Variants in EIF3B observed in about 807,000 individuals in gnomAD.
EIF3B encodes eukaryotic translation initiation factor 3 subunit B, also known as eukaryotic translation initiation factor 3 subunit 9.
EIF3B carries 10 observed loss-of-function variants against 104.6 expected under a neutral mutation model. That is an observed-to-expected ratio of 0.10 (90% confidence interval 0.06 to 0.16). The LOEUF (loss-of-function observed/expected upper bound fraction) is 0.16, where lower values mean the gene tolerates loss of function less well. EIF3B is among the 10% of genes least tolerant of loss of function. The pLI, the probability that EIF3B is intolerant of heterozygous loss-of-function variation, is 1.00. For synonymous variants in EIF3B, 542 were observed against 417.2 expected, an observed-to-expected ratio of 1.30 and a Z score of -3.65; for missense variants, 1,014 against 1,087.9, an observed-to-expected ratio of 0.93 and a Z score of 0.96.
At chr7:2,357,003 A>G (rs6952433) in intron 1 of EIF3B, among the ~76,000 whole-genome samples, 114,133 of 152,010 alleles carry the variant, frequency 0.75, 43,157 homozygotes, top group East Asian at 0.86. Context: ...CAGTGGGTCT[A>G]TACTGCTTGG....
chr7:2,357,054 G>A (rs565262065), intron 1 of EIF3B, among the ~76,000 whole-genome samples: 30 of 152,130 alleles, frequency 2.0e-4, no homozygotes, highest in African/African-American at 7.0e-4. Flanking sequence ...TCTTTCTAAC[G>A]CTTCAATTGT....
At chr7:2,366,888 C>A in intron 8 of EIF3B, 111 bp from the exon 9 acceptor site, 3 of 1,163,210 alleles carry the variant, frequency 2.6e-6, no homozygotes, top group Non-Finnish European at 3.8e-6. Context: ...TGTGCACTGC[C>A]CCCTAGGCAA....
chr7:2,354,488 C>T (rs1483153184), upstream of EIF3B, among the ~76,000 whole-genome samples: 5 of 152,190 alleles, frequency 3.3e-5, no homozygotes, highest in African/African-American at 1.2e-4. Flanking sequence ...TCCTAGCATT[C>T]CGGGTACTAA....
At chr7:2,366,618 C>T (rs892617969) in intron 8 of EIF3B, 27 bp downstream of exon 8, 5 of 1,613,040 alleles carry the variant, frequency 3.1e-6, no homozygotes, top group African/African-American at 1.3e-5. Context: ...ATGGCAAACG[C>T]CCCGTCCGGT....
chr7:2,366,815 A>G, intron 8 of EIF3B, 184 bp from the exon 9 acceptor site: 3 of 794,366 alleles, frequency 3.8e-6, no homozygotes, highest in Non-Finnish European at 4.1e-6. Flanking sequence ...GAGTTAATGC[A>G]GTGGGCTTCA....
At chr7:2,355,572 C>G (rs1355428199) in intron 1 of EIF3B, 152 bp downstream of exon 1, 3 of 1,123,890 alleles carry the variant, frequency 2.7e-6, no homozygotes, top group Non-Finnish European at 2.4e-6. Flanking sequence ...GGGAGGGGTT[C>G]CCGAGTGCCC....
chr7:2,374,339 A>T, intron 12 of EIF3B, 189 bp from the exon 13 acceptor site: 1 of 518,822 alleles, frequency 1.9e-6, no homozygotes, highest in Non-Finnish European at 3.5e-6. Flanking sequence ...TTTTTTTCCC[A>T]TTTAAAGTAT....
Position 2,366,447 on chromosome 7 carries a change from A to C in EIF3B, c.1288A>C (p.Lys430Gln). 6.2e-7 allele frequency: 1 copy of C among 1,613,932 alleles called. No individual in the cohort carries two copies. The highest frequency in any genetic ancestry group is 8.5e-7 in the Non-Finnish European group (1 of 1,179,972). ...GAGCTCAGCCCATTGGCCTATTTTT[A>C]AGTAAGTGGACCATTGTAACGAGCT... is the stretch of plus-strand genomic sequence containing the variant. Reference protein sequence around the residue: ...CESSAHWPIFKWSHDGKFFAR... With the variant: ...CESSAHWPIFQWSHDGKFFAR... The change falls in exon 7 of 19, where the codon AAG (lysine) becomes CAG (glutamine). Residue 430 changes from lysine to glutamine, a missense_variant and splice_region_variant. Physicochemically the swap from Lys to Gln is moderately conservative, Grantham distance 53. Around this residue, in one of 4 missense-constraint regions of EIF3B, gnomAD observed 201 missense variants for 240.7 expected, o/e 0.83. Coordinates refer to ENST00000360876, the MANE Select transcript of EIF3B (RefSeq NM_001037283.2).
intron 1 of EIF3B, among the ~76,000 whole-genome samples, chr7:2,355,907 C>T (rs1779401239): frequency 6.6e-6 from 1 of 152,218 alleles, no homozygotes; most frequent in East Asian, 1.9e-4. Context: ...TGTCCATCTC[C>T]AGAGACTTCC....
intron 3 of EIF3B, 116 bp downstream of exon 3, chr7:2,362,880 G>T (rs927220452): frequency 1.3e-6 from 2 of 1,521,650 alleles, no homozygotes; most frequent in Non-Finnish European, 1.8e-6. Context: ...CATCCTTTCT[G>T]GTCAGGCTGC....
At chr7:2,370,423 A>T (rs1780266831) in intron 10 of EIF3B, among the ~76,000 whole-genome samples, 1 of 151,774 alleles carries the variant, frequency 6.6e-6, no homozygotes, top group African/African-American at 2.4e-5. Flanking sequence ...CTTGCAGTGA[A>T]CAGAGCGAGA....
intron 6 of EIF3B, among the ~76,000 whole-genome samples, chr7:2,365,667 GT>G (rs138137672): frequency 1.9e-5 from 2 of 107,852 alleles, no homozygotes; most frequent in African/African-American, 6.1e-5. Context: ...TTGTTTGTTT[GT>G]TTGTTTGTTT....
In EIF3B at chr7:2,366,329, C is replaced by T; in HGVS notation, c.1170C>T (p.Thr390=). ...DFSPCERYLV[T]FSPLMDTQDD... The stretch of plus-strand genomic sequence containing the variant: ...CCTTCTCTTCTAGGTACCTGGTGAC[C>T]TTTAGCCCCCTGATGGACACGCAGG... Residue 390 remains threonine (T), a synonymous_variant, in exon 7 of 19, where the codon ACC becomes ACT. Coordinates refer to ENST00000360876, the MANE Select transcript of EIF3B (RefSeq NM_001037283.2). 1 of 1,609,494 alleles carries T rather than the reference C, an allele frequency of 6.2e-7. No homozygotes were observed. Among genetic ancestry groups the T allele is most frequent in the Non-Finnish European group, 8.5e-7 (1 of 1,178,014 alleles).
intron 13 of EIF3B, 61 bp downstream of exon 13, chr7:2,374,667 C>T (rs1161444488): frequency 4.8e-6 from 7 of 1,467,912 alleles, no homozygotes; most frequent in Non-Finnish European, 6.6e-6. Context: ...TGGCAGAGAC[C>T]CCTCAGGCGC....
Position 2,377,011 on chromosome 7 carries a change from A to C in EIF3B, c.2090A>C (p.Asp697Ala), listed in dbSNP as rs1583181826. The C allele has an allele frequency of 6.2e-7, 1 of 1,613,660 alleles. No individual in the cohort carries two copies. The highest frequency in any genetic ancestry group is 8.5e-7 in the Non-Finnish European group (1 of 1,180,002). Residue 697 changes from aspartate to alanine, a missense_variant, in exon 15 of 19, where the codon GAC (aspartate) becomes GCC (alanine). Physicochemically the swap from Asp to Ala is moderately radical, Grantham distance 126. Coordinates refer to ENST00000360876, the MANE Select transcript of EIF3B (RefSeq NM_001037283.2). ...CGCCTCCTGCAGAAGAACAACAAGG[A>C]CCGCTTCTGCCAGCTGCTGTGGCGG... ...QGRLLQKNNK[D>A]RFCQLLWRPR... is the part of the protein sequence containing the mutation.
rs773835538 is a variant in EIF3B at position 2,375,394 on chromosome 7, A to G, written c.1895A>G (p.Asn632Ser). Residue 632 changes from asparagine (N) to serine (S), a missense_variant, in exon 14 of 19, where the codon AAC (asparagine) becomes AGC (serine). Coordinates refer to ENST00000360876, the MANE Select transcript of EIF3B (RefSeq NM_001037283.2). ...FVVLAGLRSM[N>S]GALAFVDTSD... The stretch of plus-strand genomic sequence containing the variant: ...GGTCCTGTCTGTCTTTGCAGTATGA[A>G]CGGTGCCTTAGCGTTTGTGGACACT... 2 of 1,614,134 alleles carry G rather than the reference A, an allele frequency of 1.2e-6. No individual in the cohort carries two copies. The highest frequency in any genetic ancestry group is 1.7e-6 in the Non-Finnish European group (2 of 1,180,012).
chr7:2,377,162 G>A (rs899078100), intron 15 of EIF3B, 87 bp downstream of exon 15: 1 of 1,483,928 alleles, frequency 6.7e-7, no homozygotes, highest in East Asian at 2.3e-5. Flanking sequence ...TATTGTTAGG[G>A]TGGTGACTGG....
At chr7:2,367,824 A>ATTTTT (rs1562484073) in intron 9 of EIF3B, among the ~76,000 whole-genome samples, 57 of 101,734 alleles carry the variant, frequency 5.6e-4, no homozygotes, top group African/African-American at 1.9e-3. Flanking sequence ...CTTTTTTTAA[A>ATTTTT]ATTTTTTTTT....
rs529057034 is a variant in EIF3B at position 2,374,363 on chromosome 7, G to A, written c.1811-165G>A. On this transcript the variant is annotated intron_variant, in intron 12 of 18. Coordinates refer to ENST00000360876, the MANE Select transcript of EIF3B (RefSeq NM_001037283.2). The stretch of plus-strand genomic sequence containing the variant: ...CATTTAAAGTATGGATCATGACTTA[G>A]GGGGTACTTGGCGATGGACTTTGTA... 23 of 601,072 alleles carry A rather than the reference G, an allele frequency of 3.8e-5. No homozygotes were observed. In the African/African-American group the frequency reaches 4.2e-4, roughly 11 times the overall value. 37.2% of individuals were successfully genotyped at this position (601,072 alleles called of 1,614,324 possible).
Sources: allele counts gnomAD v4.1 joint callset (sites outside exome capture counted in the v4.1 genomes callset), GRCh38; gene constraint gnomAD v4.1.1; regional missense constraint gnomAD v4.1.1; transcripts MANE v1.5; gene names NCBI Gene and HGNC (gene_info 2026-07-23, HGNC 2026-07-21).